Variants in LTK observed in about 807,000 individuals in gnomAD.
LTK encodes leukocyte tyrosine kinase receptor.
A neutral mutation model predicts 101.5 loss-of-function variants in LTK; 117 were observed. The observed-to-expected ratio is 1.15, with a 90% CI of 0.99 to 1.34. The LOEUF (loss-of-function observed/expected upper bound fraction) is 1.34. Ranked by LOEUF, LTK falls within the 40% of genes most tolerant of loss-of-function variation. The pLI is 0.00. For missense variants in LTK, 1,252 were observed against 1,164.7 expected (o/e 1.07, Z -1.09); for synonymous variants, 563 against 494.2 (o/e 1.14, Z -1.85).
In LTK at chr15:41,505,531, C is replaced by T. The variant is rs1319806909; in HGVS notation, c.1698-1G>A. On this transcript the variant is annotated splice_acceptor_variant, in intron 13 of 19. Transcript: ENST00000263800. LOFTEE classifies it high-confidence loss of function. ...CACAATGTTCTGATGGCGAAACTTG[C>T]TGAGTGGGGTGGGGGACATATCCCG... is the stretch of plus-strand genomic sequence containing the variant. 2.5e-6 allele frequency: 4 copies of T among 1,613,770 alleles called. No individual in the cohort carries two copies. Among genetic ancestry groups the T allele is most frequent in the Middle Eastern group, 1.7e-4 (1 of 6,058 alleles).
chr15:41,510,492 CCT>C (rs1471085769), intron 7 of LTK, among the ~76,000 whole-genome samples: 1 of 124,196 alleles, frequency 8.1e-6, no homozygotes, highest in Non-Finnish European at 1.9e-5. Context: ...ACAGAATTTC[CCT>C]CTTGTCGCCC....
intron 15 of LTK, 26 bp downstream of exon 15, chr15:41,505,182 T>C (rs774930915): frequency 1.2e-6 from 2 of 1,606,336 alleles, no homozygotes; most frequent in African/African-American, 1.3e-5. Context: ...GGGATGGGGG[T>C]CCCCTGAGCC....
chr15:41,505,590 C>T (rs1233807106), intron 13 of LTK, 60 bp from the exon 14 acceptor site: 67 of 1,609,550 alleles, frequency 4.2e-5, no homozygotes, highest in South Asian at 1.7e-4. Flanking sequence ...ATGTTTTAGG[C>T]TCCACAAAGC....
Position 41,504,620 on chromosome 15 carries a change from C to T in LTK, c.2141G>A (p.Trp714Ter). 1 of 1,613,250 alleles carries T rather than the reference C, an allele frequency of 6.2e-7. No homozygotes were observed. Among genetic ancestry groups the T allele is most frequent in the Non-Finnish European group, 8.5e-7 (1 of 1,179,858 alleles). ...CATGTAGCCCAGTGAGAAGATCTCC[C>T]AGAGCAGCACCCCAAAAGACCTGCA... ...TDSWSFGVLLWEIFSLGYMPY... is the reference protein window; with the variant it reads ...TDSWSFGVLL Residue 714 changes from tryptophan (W) to a stop codon, truncating the protein, a stop_gained, in exon 18 of 20, where the codon TGG becomes TAG. Transcript: ENST00000263800. LOFTEE classifies it high-confidence loss of function.
chr15:41,508,133 G>C lies in LTK; in HGVS notation c.1185C>G (p.Leu395=). ...CTGGGCACAGGCATTCAGCCAGCTG[G>C]AGCTCTGCCTGCCATTGGCAGTCTC... ...PLRDCQWQAE[L]QLAECLCPEG... Residue 395 remains leucine (L), a synonymous_variant, in exon 9 of 20, where the codon CTC becomes CTG. Transcript: ENST00000263800. The C allele has an allele frequency of 6.2e-7, 1 of 1,613,446 alleles. No individual in the cohort carries two copies. Among genetic ancestry groups the C allele is most frequent in the Non-Finnish European group, 8.5e-7 (1 of 1,179,792 alleles).
In LTK at chr15:41,512,850, G is replaced by C. The variant is rs1033781860; in HGVS notation, c.216C>G (p.Thr72=). ...GCCCATGCCGGCCGCTGGCCCCGCA[G>C]GTAGAAAACAGCCAAGACCCCTCGG... is the stretch of plus-strand genomic sequence containing the variant. ...PGTEGSWLFS[T]CGASGRHGPT... is the part of the protein sequence containing the mutation. The change falls in exon 3 of 20, where the codon ACC becomes ACG. Residue 72 remains threonine (T), a synonymous_variant. Coordinates refer to ENST00000263800, the MANE Select transcript of LTK (RefSeq NM_002344.6). 3 of 1,612,092 alleles carry C rather than the reference G, an allele frequency of 1.9e-6. No homozygotes were observed. In the African/African-American group the frequency reaches 4.0e-5, roughly 22 times the overall value.
Position 41,504,764 on chromosome 15 carries a change from T to C in LTK, c.2120+9A>G. On this transcript the variant is annotated intron_variant, in intron 17 of 19. Coordinates refer to ENST00000263800, the MANE Select transcript of LTK (RefSeq NM_002344.6). ...ACAGTGGGGAAGGGGAGGGGAAGGGTGTTATCACCAGGAATCTGTCTTGGA... is the reference window on the plus strand; with the variant it reads ...ACAGTGGGGAAGGGGAGGGGAAGGGCGTTATCACCAGGAATCTGTCTTGGA... The C allele has an allele frequency of 6.7e-7, 1 of 1,500,466 alleles. No individual in the cohort carries two copies. Among genetic ancestry groups the C allele is most frequent in the Non-Finnish European group, 9.2e-7 (1 of 1,090,844 alleles). 92.9% of individuals were successfully genotyped at this position (1,500,466 alleles called of 1,614,324 possible). A position where few individuals can be genotyped will look rare whatever the true frequency, so the allele number is the denominator to read the frequency against.
Position 41,504,409 on chromosome 15 carries a change from C to T in LTK, c.2279G>A (p.Trp760Ter). 6.2e-7 allele frequency: 1 copy of T among 1,614,140 alleles called. No homozygotes were observed. The highest frequency in any genetic ancestry group is 2.2e-5 in the East Asian group (1 of 44,890). Reference sequence around the variant, plus strand: ...AGGGCGGAGCTCAGGCTCGTGCTGCCAACACTGGGTCATGATGCGGTACCT... The same window carrying T: ...AGGGCGGAGCTCAGGCTCGTGCTGCTAACACTGGGTCATGATGCGGTACCT... Reference protein sequence around the residue: ...GPVYRIMTQCWQHEPELRPSF... With the variant: ...GPVYRIMTQC Residue 760 changes from tryptophan (W) to a stop codon, truncating the protein, a stop_gained, in exon 19 of 20, where the codon TGG becomes TAG. Transcript: ENST00000263800. LOFTEE classifies it high-confidence loss of function.
At position 41,511,430 on chromosome 15, in the gene LTK, C is replaced by A; in HGVS notation, c.806G>T (p.Gly269Val). The change falls in exon 6 of 20, where the codon GGG becomes GTG. Residue 269 changes from glycine to valine, a missense_variant. Physicochemically the swap from Gly to Val is moderately radical, Grantham distance 109. Transcript: ENST00000263800. This position sits in a 1 kb window ranked among gnomAD's most constrained non-coding sequence, Gnocchi z 5.9. ...SEAPGSGGRG[G>V]AAGGGGGWTS... ...GCGGCCCGCGCCCTCACCTGCCGCC[C>A]CGCCTCTCCCGCCGCTCCCGGGCGC... 1 of 1,392,682 alleles carries A rather than the reference C, an allele frequency of 7.2e-7. No homozygotes were observed. The highest frequency in any genetic ancestry group is 1.5e-5 in the African/African-American group (1 of 65,940). 86.3% of individuals were successfully genotyped at this position (1,392,682 alleles called of 1,614,324 possible).
rs745412391 is a variant in LTK at position 41,505,695 on chromosome 15, C to T, written c.1697+18G>A. 2.5e-6 allele frequency: 4 copies of T among 1,613,274 alleles called. No homozygotes were observed. Among genetic ancestry groups the T allele is most frequent in the Non-Finnish European group, 3.4e-6 (4 of 1,179,586 alleles). On this transcript the variant is annotated intron_variant, in intron 13 of 19. Transcript: ENST00000263800. ...TTCCCCTCCCGCCTTCCAGCCCTGC[C>T]CCTGGTCCCAGGTGCACCTGATGAT...
At chr15:41,512,905 C>T (rs1243723008) in intron 2 of LTK, 27 bp from the exon 3 acceptor site, 2 of 1,607,262 alleles carry the variant, frequency 1.2e-6, no homozygotes, top group African/African-American at 1.3e-5. Flanking sequence ...AGGCAAGGGT[C>T]GTCGAGCCCC....
rs1318311011 is a variant in LTK, at chr15:41,512,863, C to A, written c.203G>T (p.Trp68Leu). The A allele has an allele frequency of 1.2e-5, 19 of 1,611,550 alleles. No individual in the cohort carries two copies. The highest frequency in any genetic ancestry group is 8.4e-5 in the Admixed American group (5 of 59,822). Reference sequence around the variant, plus strand: ...GCTGGCCCCGCAGGTAGAAAACAGCCAAGACCCCTCGGTGCCTGAGAGCAA... The same window carrying A: ...GCTGGCCCCGCAGGTAGAAAACAGCAAAGACCCCTCGGTGCCTGAGAGCAA... ...PLNSPGTEGSWLFSTCGASGR... is the reference protein window; with the variant it reads ...PLNSPGTEGSLLFSTCGASGR... Residue 68 changes from tryptophan to leucine, a missense_variant, in exon 3 of 20, where the codon TGG (tryptophan) becomes TTG (leucine). Physicochemically the swap from Trp to Leu is moderately conservative, Grantham distance 61 (BLOSUM62 -2). Coordinates refer to ENST00000263800, the MANE Select transcript of LTK (RefSeq NM_002344.6).
In LTK at chr15:41,505,402, A is replaced by G; in HGVS notation, c.1826T>C (p.Leu609Pro). The change falls in exon 14 of 20, where the codon CTG (leucine) becomes CCG (proline). Residue 609 changes from leucine to proline, a missense_variant and splice_region_variant. Leu to Pro is a moderately conservative substitution (Grantham distance 98). Coordinates refer to ENST00000263800, the MANE Select transcript of LTK (RefSeq NM_002344.6). ...GGGGGGCTAAGACAAGGGTCTCACC[A>G]GGTGTGGCCGACTGTGCCTCAGGAA... is the stretch of plus-strand genomic sequence containing the variant. Reference protein sequence around the residue: ...KSFLRHSRPHLGQPSPLVMRD... With the variant: ...KSFLRHSRPHPGQPSPLVMRD... The G allele has an allele frequency of 6.2e-7, 1 of 1,613,938 alleles. No homozygotes were observed. Among genetic ancestry groups the G allele is most frequent in the Non-Finnish European group, 8.5e-7 (1 of 1,179,960 alleles).
chr15:41,504,235 C>T lies in LTK; in HGVS notation c.2356G>A (p.Val786Met). Residue 786 changes from valine (V) to methionine (M), a missense_variant, in exon 20 of 20, where the codon GTG becomes ATG. By Grantham distance (21) the Val-to-Met change is conservative. Coordinates refer to ENST00000263800, the MANE Select transcript of LTK (RefSeq NM_002344.6). ...TCCATTGGCAGGAGTGAATTCAGCA[C>T]ATCCGGGTCCTGTAATGGAAGAGTC... ...RLQYCTQDPD[V>M]LNSLLPMELG... The T allele has an allele frequency of 6.2e-7, 1 of 1,607,704 alleles. No homozygotes were observed. Among genetic ancestry groups the T allele is most frequent in the African/African-American group, 1.3e-5 (1 of 74,900 alleles).
rs1050203869 is a variant in LTK at position 41,505,069 on chromosome 15, A to G, written c.1926-5T>C. On this transcript the variant is annotated splice_polypyrimidine_tract_variant and splice_region_variant and intron_variant, in intron 15 of 19. Coordinates refer to ENST00000263800, the MANE Select transcript of LTK (RefSeq NM_002344.6). ...CAGTTCCGGGCGGCAATATCCCTAC[A>G]GAGTAGGCAAAAAAAATCACTGCCA... 2 of 1,607,424 alleles carry G rather than the reference A, an allele frequency of 1.2e-6. No individual in the cohort carries two copies. The highest frequency in any genetic ancestry group is 2.2e-5 in the East Asian group (1 of 44,810).
At position 41,504,548 on chromosome 15, in the gene LTK, C is replaced by T. The variant is rs924971215; in HGVS notation, c.2213G>A (p.Gly738Glu). Reference sequence around the variant, plus strand: ...CCTAGGAGGGTCCATCCGGCCTCCTCCAACGACGAAGTCCAGCACCTCCTG... The same window carrying T: ...CCTAGGAGGGTCCATCCGGCCTCCTTCAACGACGAAGTCCAGCACCTCCTG... ...TNQEVLDFVV[G>E]GGRMDPPRGC... The change falls in exon 18 of 20, where the codon GGA becomes GAA. Residue 738 changes from glycine (G) to glutamate (E), a missense_variant. Physicochemically the swap from Gly to Glu is moderately conservative, Grantham distance 98. Transcript: ENST00000263800. The T allele has an allele frequency of 1.2e-6, 2 of 1,613,866 alleles. No individual in the cohort carries two copies. The highest frequency in any genetic ancestry group is 8.5e-7 in the Non-Finnish European group (1 of 1,179,974).
intron 3 of LTK, among the ~76,000 whole-genome samples, chr15:41,512,470 G>T (rs1442831083): frequency 6.6e-6 from 1 of 152,232 alleles, no homozygotes. Flanking sequence ...GTGGAAATGT[G>T]GGGAGGCTCA....
chr15:41,507,163 G>A lies in LTK; in HGVS notation c.1473C>T (p.Gly491=). The A allele has an allele frequency of 6.2e-7, 1 of 1,613,750 alleles. No homozygotes were observed. Among genetic ancestry groups the A allele is most frequent in the Non-Finnish European group, 8.5e-7 (1 of 1,179,924 alleles). The part of the protein sequence containing the change: ...PNPYYCQVGL[G]PAQSWPLPPG... ...GTGGCAGAGGCCAGGACTGGGCCGG[G>A]CCAAGCCCCACCTGGCAATAATAGG... The change falls in exon 11 of 20, where the codon GGC becomes GGT. Residue 491 remains glycine, a synonymous_variant. Transcript: ENST00000263800.
intron 16 of LTK, 38 bp downstream of exon 16, chr15:41,504,934 C>T (rs2051209023): frequency 6.3e-7 from 1 of 1,599,654 alleles, no homozygotes; most frequent in Non-Finnish European, 8.5e-7. Flanking sequence ...GGAAAACCCC[C>T]TTGGAGCAAG....
Sources: gnomAD v4.1 joint callset for allele counts (sites outside exome capture counted in the v4.1 genomes callset) on GRCh38, gnomAD v4.1.1 for gene constraint, Gnocchi (gnomAD v3.1) non-coding constraint, MANE v1.5 for transcripts, NCBI Gene and HGNC (gene_info 2026-07-23, HGNC 2026-07-21) for gene names.